Variants in KMT2C observed in about 807,000 individuals in gnomAD.
KMT2C encodes the protein lysine methyltransferase 2C.
In KMT2C, 88 loss-of-function variants were observed where a neutral mutation model predicts 507.9. That is an observed-to-expected ratio of 0.17 (90% CI 0.15 to 0.21). KMT2C has a LOEUF of 0.21. Ranked by LOEUF, KMT2C falls within the 10% of genes least tolerant of loss-of-function variation. KMT2C has a pLI of 1.00. For missense variants in KMT2C, 4,954 were observed against 5,957.8 expected, an observed-to-expected ratio of 0.83 and a Z score of 5.55; for synonymous variants, 2,049 against 2,080.8, an observed-to-expected ratio of 0.98 and a Z score of 0.42.
chr7:152,360,272 G>A (rs1192761145), intron 1 of KMT2C, among the ~76,000 whole-genome samples: 1 of 152,074 alleles, frequency 6.6e-6, no homozygotes, highest in African/African-American at 2.4e-5. Context: ...GAGGTCAGGA[G>A]TTCAAGACCA....
intron 14 of KMT2C, among the ~76,000 whole-genome samples, chr7:152,239,700 C>T (rs549235397): frequency 2.0e-4 from 30 of 152,128 alleles, no homozygotes; most frequent in African/African-American, 7.0e-4. Flanking sequence ...GTTTACTCCA[C>T]AAAGATAACA....
At chr7:152,191,355 G>A (rs1024103871) in intron 31 of KMT2C, among the ~76,000 whole-genome samples, 1 of 151,958 alleles carries the variant, frequency 6.6e-6, no homozygotes, top group African/African-American at 2.4e-5. Context: ...TTATCCTCTG[G>A]GCCCCTGGTT....
In KMT2C at chr7:152,386,794, C is replaced by T. The variant is rs149193025; in HGVS notation, c.162-28119G>A. 1.8e-3 allele frequency among the ~76,000 whole-genome samples: 274 copies of T among 152,344 alleles called. 1 individual carries two copies. The highest frequency in any genetic ancestry group is 3.4e-3 in the Admixed American group (52 of 15,306). ...CACAACAACCATTATTCCTATTCAA[C>T]AGTTGAGGAAACTGAAGTATAAAGA... On this transcript the variant is annotated intron_variant, in intron 1 of 58. Transcript: ENST00000262189.
chr7:152,369,496 A>T (rs1419533802), intron 1 of KMT2C, among the ~76,000 whole-genome samples: 2 of 152,208 alleles, frequency 1.3e-5, no homozygotes, highest in African/African-American at 4.8e-5. Flanking sequence ...TGGTTTGAAT[A>T]TCATTTGTCC....
chr7:152,149,720 C>G (rs2091447919), intron 51 of KMT2C, among the ~76,000 whole-genome samples: 1 of 152,124 alleles, frequency 6.6e-6, no homozygotes, highest in African/African-American at 2.4e-5. Context: ...CAGCTCTGAT[C>G]CGGCTGCTGA....
chr7:152,219,606 A>T (rs1347011817), intron 23 of KMT2C, among the ~76,000 whole-genome samples: 1 of 152,090 alleles, frequency 6.6e-6, no homozygotes, highest in Admixed American at 6.5e-5. Flanking sequence ...AAAAACTATG[A>T]AATAAAATAT....
chr7:152,336,454 C>T (rs2096936940), intron 2 of KMT2C, among the ~76,000 whole-genome samples: 1 of 152,106 alleles, frequency 6.6e-6, no homozygotes, highest in South Asian at 2.1e-4. Context: ...AGGGATCCAA[C>T]CAGAGATGTC....
At chr7:152,268,707 C>T (rs113921096) in intron 7 of KMT2C, among the ~76,000 whole-genome samples, 9 of 151,980 alleles carry the variant, frequency 5.9e-5, no homozygotes, top group Admixed American at 2.6e-4. Context: ...TTTTGCTCAC[C>T]GTAAAACTTT....
chr7:152,220,831 G>A, intron 22 of KMT2C, 96 bp from the exon 23 acceptor site: 2 of 863,378 alleles, frequency 2.3e-6, no homozygotes, highest in Non-Finnish European at 3.7e-6. Flanking sequence ...GAATGTGACT[G>A]TAGTTCTAGA....
At chr7:152,277,225 C>T (rs1167884751) in intron 6 of KMT2C, among the ~76,000 whole-genome samples, 1 of 152,156 alleles carries the variant, frequency 6.6e-6, no homozygotes, top group Non-Finnish European at 1.5e-5. Context: ...TTATAAGGCT[C>T]CCCATGCTCC....
At chr7:152,185,798 T>C (rs2093609225) in intron 33 of KMT2C, among the ~76,000 whole-genome samples, 167 bp from the exon 34 acceptor site, 2 of 152,254 alleles carry the variant, frequency 1.3e-5, no homozygotes, top group South Asian at 4.1e-4. Context: ...CGTGGCACAC[T>C]GTAGGCCAAA....
chr7:152,182,461 T>C lies in KMT2C; in HGVS notation c.5399A>G (p.Asp1800Gly). ...ACTCTGTATCCCACTACTTGGTGTATCTGAACCAGACTGCACCAGAAGATG... is the reference window on the plus strand; with the variant it reads ...ACTCTGTATCCCACTACTTGGTGTACCTGAACCAGACTGCACCAGAAGATG... Reference protein sequence around the residue: ...SQHLLVQSGSDTPSSGIQSPL... With the variant: ...SQHLLVQSGSGTPSSGIQSPL... The change falls in exon 36 of 59, where the codon GAT becomes GGT. Residue 1800 changes from aspartate to glycine, a missense_variant. By Grantham distance (94) the Asp-to-Gly change is moderately conservative. Transcript: ENST00000262189. 6.2e-7 allele frequency: 1 copy of C among 1,614,132 alleles called. No individual in the cohort carries two copies.
intron 14 of KMT2C, among the ~76,000 whole-genome samples, chr7:152,246,589 T>C (rs1392960102): frequency 6.6e-6 from 1 of 152,026 alleles, no homozygotes; most frequent in Non-Finnish European, 1.5e-5. Context: ...TTAAAGAATG[T>C]AAATATATCA....
intron 20 of KMT2C, 89 bp downstream of exon 20, chr7:152,223,926 G>A (rs2129147593): frequency 9.9e-7 from 1 of 1,013,086 alleles, no homozygotes; most frequent in East Asian, 2.6e-5. Context: ...TAAAACTTGT[G>A]ATTAAGGAAA....
At chr7:152,139,053 T>C (rs1299918639) in intron 57 of KMT2C, 133 bp downstream of exon 57, 2 of 1,004,848 alleles carry the variant, frequency 2.0e-6, no homozygotes, top group African/African-American at 3.2e-5. Context: ...ATAAAAATTC[T>C]CAACTCATTT....
chr7:152,259,442 A>ACGTG, intron 9 of KMT2C, among the ~76,000 whole-genome samples: 1 of 118,074 alleles, frequency 8.5e-6, no homozygotes, highest in Admixed American at 8.6e-5. Context: ...AGACACACAC[A>ACGTG]CGCGCACACA....
intron 6 of KMT2C, among the ~76,000 whole-genome samples, chr7:152,287,096 C>T (rs1439813877): frequency 6.6e-6 from 1 of 152,176 alleles, no homozygotes; most frequent in Non-Finnish European, 1.5e-5. Context: ...ACATTCATAC[C>T]CACTGAGCAG....
chr7:152,388,452 G>A (rs1241668783), intron 1 of KMT2C, among the ~76,000 whole-genome samples: 5 of 151,990 alleles, frequency 3.3e-5, no homozygotes, highest in African/African-American at 7.2e-5. Flanking sequence ...CCAGCTACTC[G>A]GGAGGCTGAG....
chr7:152,417,877 C>T (rs753738634), intron 1 of KMT2C, among the ~76,000 whole-genome samples: 3 of 149,416 alleles, frequency 2.0e-5, no homozygotes, highest in Non-Finnish European at 4.4e-5. Context: ...CTCTTCACCT[C>T]GTCATCCACC....
Sources: gnomAD v4.1 joint callset for allele counts (sites outside exome capture counted in the v4.1 genomes callset) on GRCh38, gnomAD v4.1.1 for gene constraint, MANE v1.5 for transcripts, NCBI Gene and HGNC (gene_info 2026-07-23, HGNC 2026-07-21) for gene names.